SPRED2: variants seen among roughly 807,000 people sequenced by gnomAD.
SPRED2 encodes sprouty related EVH1 domain containing 2.
A neutral mutation model predicts 43.0 loss-of-function variants in SPRED2; 47 were observed. The ratio of observed to expected loss-of-function variants is 1.09; its 90% CI spans 0.87 to 1.40. The LOEUF (loss-of-function observed/expected upper bound fraction) is 1.40. SPRED2 is among the 40% of genes most tolerant of loss of function. The pLI, the probability that SPRED2 is intolerant of heterozygous loss-of-function variation, is 0.00. For synonymous variants in SPRED2, 225 were observed against 225.7 expected, an observed-to-expected ratio of 1.00 and a Z score of 0.03; for missense variants, 561 against 586.4, an observed-to-expected ratio of 0.96 and a Z score of 0.45.
At chr2:65,359,537 C>T (rs1165911485) in intron 1 of SPRED2, among the ~76,000 whole-genome samples, 1 of 152,074 alleles carries the variant, frequency 6.6e-6, no homozygotes, top group Non-Finnish European at 1.5e-5. Context: ...TGAAACCCTG[C>T]GTGGCTAAGC....
At chr2:65,345,259 G>GTTT (rs66991368) in intron 1 of SPRED2, among the ~76,000 whole-genome samples, 5,342 of 110,800 alleles carry the variant, frequency 0.048, 294 homozygotes, top group East Asian at 0.13. Context: ...TTTAGTTGTT[G>GTTT]TTTTTTTTTT....
intron 4 of SPRED2, among the ~76,000 whole-genome samples, chr2:65,329,456 C>A (rs1673742651): frequency 6.6e-6 from 1 of 152,170 alleles, no homozygotes; most frequent in African/African-American, 2.4e-5. Flanking sequence ...TCGCAGACAC[C>A]AGGGTCTATA....
At chr2:65,310,458 TACACACACACACACAC>T (rs55916427), downstream of SPRED2, among the ~76,000 whole-genome samples, 2,490 of 137,984 alleles carry the variant, frequency 0.018, 61 homozygotes, top group African/African-American at 0.061. Context: ...TCCTCCAAAC[TACACACACACACACAC>T]ACACACACAC....
chr2:65,352,598 A>C (rs1674542217), intron 1 of SPRED2, among the ~76,000 whole-genome samples: 1 of 152,222 alleles, frequency 6.6e-6, no homozygotes, highest in Non-Finnish European at 1.5e-5. Context: ...CCCTACCCTT[A>C]GAGGACTACA....
At position 65,312,839 on chromosome 2, in the gene SPRED2, G is replaced by A. The variant is rs901694382; in HGVS notation, c.*662C>T. 1.4e-5 allele frequency: 14 copies of A among 985,684 alleles called. No homozygotes were observed. Among genetic ancestry groups the A allele is most frequent in the Non-Finnish European group, 1.7e-5 (14 of 829,934 alleles). 61.1% of individuals were successfully genotyped at this position (985,684 alleles called of 1,614,324 possible). On this transcript the variant is annotated 3_prime_UTR_variant, in exon 6 of 6. Transcript: ENST00000356388. ...CAGTGAATCATTTCAACAGATTTTG[G>A]GGGGGCAGAAAATGATGATGGGCTA...
At chr2:65,403,513 C>A (rs543812474) in intron 1 of SPRED2, among the ~76,000 whole-genome samples, 35 of 152,324 alleles carry the variant, frequency 2.3e-4, no homozygotes, top group Admixed American at 1.6e-3. Flanking sequence ...GCAATCCCCC[C>A]ACCTTGGCCT....
intron 1 of SPRED2, among the ~76,000 whole-genome samples, chr2:65,379,752 A>G (rs746691378): frequency 6.6e-6 from 1 of 152,194 alleles, no homozygotes; most frequent in East Asian, 1.9e-4. Flanking sequence ...CCAAGGCACT[A>G]CACTTTCTCC....
chr2:65,314,125 G>C lies in SPRED2; in HGVS notation c.633C>G (p.Asp211Glu). ...GGGGGTTGATGCGCACGATCTCCTC[G>C]TCGTCGTCCGGGAAGCTCACCTGGC... ...PYRQVSFPDD[D>E]EEIVRINPRE... is the part of the protein sequence containing the mutation. Residue 211 changes from aspartate to glutamate, a missense_variant, in exon 6 of 6, where the codon GAC (aspartate) becomes GAG (glutamate). Asp to Glu is a conservative substitution (Grantham distance 45). Around this residue, in one of 6 missense-constraint regions of SPRED2, gnomAD observed 305 missense variants for 282.4 expected, o/e 1.08. Transcript: ENST00000356388. 4 of 1,605,276 alleles carry C rather than the reference G, an allele frequency of 2.5e-6. No homozygotes were observed. Among genetic ancestry groups the C allele is most frequent in the Non-Finnish European group, 3.4e-6 (4 of 1,172,736 alleles).
chr2:65,323,026 G>A (rs1288165700), intron 4 of SPRED2, among the ~76,000 whole-genome samples: 1 of 152,082 alleles, frequency 6.6e-6, no homozygotes, highest in African/African-American at 2.4e-5. Flanking sequence ...ACAGAGTCTC[G>A]CTCTGTCGCC....
At chr2:65,406,710 C>T (rs1158434224) in intron 1 of SPRED2, among the ~76,000 whole-genome samples, 1 of 152,200 alleles carries the variant, frequency 6.6e-6, no homozygotes, top group African/African-American at 2.4e-5. Flanking sequence ...AAGAGGCAGG[C>T]TAAAAATAGT....
At chr2:65,345,196 G>T (rs1465345450) in intron 1 of SPRED2, among the ~76,000 whole-genome samples, 1 of 150,554 alleles carries the variant, frequency 6.6e-6, no homozygotes, top group Admixed American at 6.6e-5. Flanking sequence ...TAAATGAATT[G>T]ATTTCTGTAA....
At chr2:65,395,658 G>T (rs1675741882) in intron 1 of SPRED2, among the ~76,000 whole-genome samples, 1 of 152,158 alleles carries the variant, frequency 6.6e-6, no homozygotes, top group Non-Finnish European at 1.5e-5. Flanking sequence ...TTTCCTTATG[G>T]GTAGAAGTGG....
intron 1 of SPRED2, among the ~76,000 whole-genome samples, chr2:65,428,224 A>G (rs1013343907): frequency 3.9e-5 from 6 of 152,238 alleles, no homozygotes; most frequent in Non-Finnish European, 7.3e-5. Context: ...AGGCTGTCTC[A>G]TTTAATTCTC....
At chr2:65,369,431 G>A (rs1014863982) in intron 1 of SPRED2, among the ~76,000 whole-genome samples, 35 of 152,214 alleles carry the variant, frequency 2.3e-4, no homozygotes, top group African/African-American at 8.2e-4. Flanking sequence ...TAAGCCTGAA[G>A]AAAGAACTTT....
chr2:65,399,383 CTTT>C (rs34672484), intron 1 of SPRED2, among the ~76,000 whole-genome samples: 1 of 125,378 alleles, frequency 8.0e-6, no homozygotes. Context: ...AACTATTATT[CTTT>C]TTTTTTTTTT....
intron 1 of SPRED2, among the ~76,000 whole-genome samples, chr2:65,380,305 T>C (rs1354356563): frequency 1.3e-5 from 2 of 152,166 alleles, no homozygotes; most frequent in Admixed American, 1.3e-4. Context: ...TAATTTTTTC[T>C]CTCTAGACTC....
At chr2:65,319,136 T>C (rs55916819) in intron 4 of SPRED2, among the ~76,000 whole-genome samples, 3,939 of 152,262 alleles carry the variant, frequency 0.026, 82 homozygotes, top group Non-Finnish European at 0.04. Flanking sequence ...ATAAGCATTG[T>C]TAGTTTTTAC....
At chr2:65,380,207 T>C (rs951200220) in intron 1 of SPRED2, among the ~76,000 whole-genome samples, 1 of 152,196 alleles carries the variant, frequency 6.6e-6, no homozygotes, top group African/African-American at 2.4e-5. Context: ...CCTTCTCTGT[T>C]ACTGGTCCCA....
At chr2:65,390,214 A>G (rs561256293) in intron 1 of SPRED2, among the ~76,000 whole-genome samples, 41 of 152,372 alleles carry the variant, frequency 2.7e-4, no homozygotes, top group Non-Finnish European at 4.9e-4. Flanking sequence ...AAGTGTTTCC[A>G]GAAATAACCA....
Sources: gnomAD v4.1 joint callset for allele counts (sites outside exome capture counted in the v4.1 genomes callset) on GRCh38, gnomAD v4.1.1 for gene constraint, gnomAD v4.1.1 regional missense constraint, MANE v1.5 for transcripts, NCBI Gene and HGNC (gene_info 2026-07-23, HGNC 2026-07-21) for gene names.